The following NOL10 variants were observed in gnomAD, a reference collection of about 807,000 sequenced individuals.
NOL10 encodes nucleolar protein 10, also known as H_NH0074G24.1.
NOL10 carries 58 observed loss-of-function variants against 103.5 expected under a neutral mutation model. The ratio of observed to expected loss-of-function variants is 0.56; its 90% CI spans 0.45 to 0.70. The LOEUF (loss-of-function observed/expected upper bound fraction) is 0.70, where lower values mean the gene tolerates loss of function less well. Ranked by LOEUF, NOL10 falls within the 30% of genes least tolerant of loss-of-function variation. The pLI is 0.00. For missense variants in NOL10, 763 were observed against 807.3 expected, an observed-to-expected ratio of 0.95 and a Z score of 0.67; for synonymous variants, 287 against 282.5, an observed-to-expected ratio of 1.02 and a Z score of -0.16.
intron 12 of NOL10, among the ~76,000 whole-genome samples, chr2:10,650,753 C>T (rs1207785959): frequency 6.6e-6 from 1 of 151,966 alleles, no homozygotes; most frequent in Admixed American, 6.6e-5. Flanking sequence ...GAAACCCTGT[C>T]TCTGAAAAAA....
At position 10,571,881 on chromosome 2, in the gene NOL10, GT is replaced by G; in HGVS notation, c.*189del. On this transcript the variant is annotated 3_prime_UTR_variant, in exon 21 of 21. Coordinates refer to ENST00000381685, the MANE Select transcript of NOL10 (RefSeq NM_024894.4). ...GCAAGCACACCCCTGGGGCTGTGCG[GT>G]GGCCGTCGGCGGGGCCAGCTTCAAA... 3.3e-6 allele frequency: 2 copies of G among 600,298 alleles called. No homozygotes were observed. The highest frequency in any genetic ancestry group is 5.7e-6 in the Non-Finnish European group (2 of 348,912). 37.2% of individuals were successfully genotyped at this position (600,298 alleles called of 1,614,324 possible). A position where few individuals can be genotyped will look rare whatever the true frequency, so the allele number is the denominator to read the frequency against.
At chr2:10,638,011 G>A (rs931135777) in intron 13 of NOL10, among the ~76,000 whole-genome samples, 1 of 152,212 alleles carries the variant, frequency 6.6e-6, no homozygotes, top group African/African-American at 2.4e-5. Context: ...GCCAGGTGCA[G>A]TGACTTACAC....
intron 13 of NOL10, among the ~76,000 whole-genome samples, chr2:10,632,412 T>A (rs1279160821): frequency 6.6e-6 from 1 of 152,254 alleles, no homozygotes; most frequent in African/African-American, 2.4e-5. Flanking sequence ...GGGCTCACTG[T>A]GTTTCAATAA....
chr2:10,679,301 G>C (rs1237244721), intron 3 of NOL10, among the ~76,000 whole-genome samples: 1 of 150,958 alleles, frequency 6.6e-6, no homozygotes, highest in Non-Finnish European at 1.5e-5. Context: ...AGAGGTTGCG[G>C]TAAGCCAAGA....
intron 13 of NOL10, among the ~76,000 whole-genome samples, chr2:10,635,026 AT>A (rs546598425): frequency 1.9e-4 from 29 of 149,600 alleles, no homozygotes; most frequent in Non-Finnish European, 2.8e-4. Flanking sequence ...TAAATTTTTG[AT>A]TTTTTTTTTG....
At chr2:10,625,107 C>G (rs1008650883) in intron 13 of NOL10, among the ~76,000 whole-genome samples, 2 of 152,008 alleles carry the variant, frequency 1.3e-5, no homozygotes, top group Non-Finnish European at 2.9e-5. Context: ...AGTGATTGCT[C>G]GGGGTTTGTG....
intron 19 of NOL10, among the ~76,000 whole-genome samples, chr2:10,580,748 C>A (rs927450916): frequency 2.0e-5 from 3 of 152,118 alleles, no homozygotes; most frequent in Admixed American, 1.3e-4. Context: ...CGCGCACACA[C>A]ACATATTTAA....
At chr2:10,678,279 T>C (rs989491500) in intron 3 of NOL10, among the ~76,000 whole-genome samples, 1 of 152,070 alleles carries the variant, frequency 6.6e-6, no homozygotes, top group Admixed American at 6.6e-5. Context: ...CTTGAACTCC[T>C]GGCCTCAATT....
intron 8 of NOL10, 43 bp from the exon 9 acceptor site, chr2:10,663,087 C>T (rs374357409): frequency 2.5e-5 from 39 of 1,541,732 alleles, no homozygotes; most frequent in African/African-American, 2.2e-4. Context: ...CTGTAGAAGG[C>T]GGGGCATGGT....
At chr2:10,676,977 C>T (rs1251097941) in intron 3 of NOL10, among the ~76,000 whole-genome samples, 1 of 150,274 alleles carries the variant, frequency 6.7e-6, no homozygotes, top group African/African-American at 2.5e-5. Flanking sequence ...CTTGCTCTGT[C>T]GCCCAGGCTG....
chr2:10,625,054 T>C (rs1223092161), intron 13 of NOL10, among the ~76,000 whole-genome samples: 1 of 152,200 alleles, frequency 6.6e-6, no homozygotes, highest in Non-Finnish European at 1.5e-5. Flanking sequence ...TTCAGCTATA[T>C]GACATTTTGG....
rs561664694 is a variant in NOL10, at chr2:10,584,117, T to G, written c.1844+4926A>C. Among the ~76,000 whole-genome samples, 12 of 152,294 alleles carry G rather than the reference T, an allele frequency of 7.9e-5. No individual in the cohort carries two copies. The East Asian group carries it at 1.9e-3, about 24-fold the overall frequency. On this transcript the variant is annotated intron_variant, in intron 19 of 20. Coordinates refer to ENST00000381685, the MANE Select transcript of NOL10 (RefSeq NM_024894.4). ...CCGTGCCTCTGCCAGGAATGCTATC[T>G]TTCCCACCAGCCCTGAATGCTCCAC...
At chr2:10,605,827 CT>C (rs761802268) in intron 14 of NOL10, among the ~76,000 whole-genome samples, 1 of 152,100 alleles carries the variant, frequency 6.6e-6, no homozygotes. Context: ...AAATTCAGCT[CT>C]TTTTTGGTAG....
intron 4 of NOL10, among the ~76,000 whole-genome samples, chr2:10,674,843 A>G (rs969976902): frequency 3.3e-5 from 5 of 152,038 alleles, no homozygotes; most frequent in African/African-American, 1.2e-4. Context: ...TCTCCAAAAA[A>G]TAAATAAGTA....
intron 13 of NOL10, among the ~76,000 whole-genome samples, chr2:10,617,719 C>T (rs757943137): frequency 6.6e-6 from 1 of 152,166 alleles, no homozygotes; most frequent in African/African-American, 2.4e-5. Context: ...TAATGACATT[C>T]ATCCACTGAT....
At position 10,603,123 on chromosome 2, in the gene NOL10, C is replaced by G. The variant is rs922188853; in HGVS notation, c.1188G>C (p.Arg396=). 1.9e-5 allele frequency: 30 copies of G among 1,611,324 alleles called. No homozygotes were observed. The Admixed American group carries it at 5.0e-4, about 27-fold the overall frequency. The change falls in exon 15 of 21, where the codon CGG becomes CGC. Residue 396 remains arginine (R), a synonymous_variant. Transcript: ENST00000381685. Reference sequence around the variant, plus strand: ...CCATGAAAAACCCATGCATATATGCCCGGAGGAAAGGAGATCCAATGAGGT... The same window carrying G: ...CCATGAAAAACCCATGCATATATGCGCGGAGGAAAGGAGATCCAATGAGGT... ...LTHLIGSPFL[R]AYMHGFFMDI...
intron 1 of NOL10, 144 bp from the exon 2 acceptor site, chr2:10,684,756 TAACTC>T: frequency 1.6e-6 from 1 of 620,306 alleles, no homozygotes; most frequent in Admixed American, 2.9e-5. Flanking sequence ...TCTCTAATCC[TAACTC>T]TACTCGTAAC....
chr2:10,622,225 C>T, intron 13 of NOL10: 1 of 466,042 alleles, frequency 2.1e-6, no homozygotes, highest in Non-Finnish European at 4.4e-6. Flanking sequence ...CACAACAAAA[C>T]ACTATGCAAC....
chr2:10,595,144 C>CAGAGAGAGAGAG lies in NOL10; in HGVS notation c.1423-5405_1423-5394dup, dbSNP rs77723934. Among the ~76,000 whole-genome samples, 55 of 124,230 alleles carry CAGAGAGAGAGAG rather than the reference C, an allele frequency of 4.4e-4. 2 individuals carry two copies. Among genetic ancestry groups the CAGAGAGAGAGAG allele is most frequent in the South Asian group, 2.0e-3 (7 of 3,586 alleles). The allele number at this position is 124,230 out of a possible 152,430, so 81.5% of individuals were successfully genotyped here. On this transcript the variant is annotated intron_variant, in intron 17 of 20. Coordinates refer to ENST00000381685, the MANE Select transcript of NOL10 (RefSeq NM_024894.4). ...GCAAGAGGGAGGGAGGGGGAGGGGG[C>CAGAGAGAGAGAG]AGAGAGAGAGAGAGAGAGAGAGAGA... is the stretch of plus-strand genomic sequence containing the variant.
Sources: allele counts gnomAD v4.1 joint callset (sites outside exome capture counted in the v4.1 genomes callset), GRCh38; gene constraint gnomAD v4.1.1; transcripts MANE v1.5; gene names NCBI Gene and HGNC (gene_info 2026-07-23, HGNC 2026-07-21).